Variants in DGKB observed in about 807,000 individuals in gnomAD.
DGKB encodes the protein 90 kDa diacylglycerol kinase.
In DGKB, 67 loss-of-function variants were observed where a neutral mutation model predicts 114.3. That is an observed-to-expected ratio of 0.59 (90% confidence interval 0.48 to 0.72). The LOEUF (loss-of-function observed/expected upper bound fraction) is 0.72, where lower values mean the gene tolerates loss of function less well. Among genes scored for constraint, DGKB ranks in the 30% least tolerant of loss-of-function variants. DGKB has a pLI of 0.00. For missense variants in DGKB, 907 were observed against 975.2 expected (o/e 0.93, Z 0.93); for synonymous variants, 398 against 323.1 (o/e 1.23, Z -2.49).
At chr7:14,828,319 G>A (rs190546316) in intron 2 of DGKB, among the ~76,000 whole-genome samples, 6 of 151,964 alleles carry the variant, frequency 3.9e-5, no homozygotes, top group Non-Finnish European at 5.9e-5. Context: ...TTAATTCAAA[G>A]AGAAGCAAGA....
intron 20 of DGKB, among the ~76,000 whole-genome samples, chr7:14,524,510 C>G (rs2128574566): frequency 6.6e-6 from 1 of 152,276 alleles, no homozygotes; most frequent in South Asian, 2.1e-4. Context: ...AATCCCAGGA[C>G]TTTGGGAGGC....
chr7:14,478,310 A>T, intron 20 of DGKB, 85 bp from the exon 21 acceptor site: 2 of 822,210 alleles, frequency 2.4e-6, no homozygotes, highest in Non-Finnish European at 3.6e-6. Context: ...AAAAAATAAC[A>T]TTTCAAAATG....
intron 1 of DGKB, among the ~76,000 whole-genome samples, chr7:14,899,536 A>G (rs1481059282): frequency 6.6e-6 from 1 of 152,038 alleles, no homozygotes; most frequent in African/African-American, 2.4e-5. Context: ...CTTCCACTAT[A>G]TGATTCCCTT....
chr7:14,939,865 G>A (rs1035783934), intron 1 of DGKB, among the ~76,000 whole-genome samples: 2 of 151,726 alleles, frequency 1.3e-5, no homozygotes, highest in Non-Finnish European at 2.9e-5. Context: ...CACCCGCCTC[G>A]GCCTCCCAAA....
intron 1 of DGKB, among the ~76,000 whole-genome samples, chr7:14,967,602 C>T (rs1311699175): frequency 7.0e-6 from 1 of 142,246 alleles, no homozygotes; most frequent in African/African-American, 2.7e-5. Context: ...ATTACAGGTG[C>T]GAGCCACCGC....
intron 25 of DGKB, among the ~76,000 whole-genome samples, chr7:14,161,842 T>G (rs967265755): frequency 4.6e-5 from 7 of 152,134 alleles, no homozygotes; most frequent in African/African-American, 1.7e-4. Context: ...TCTTTGAGTT[T>G]TTTAAGTCTC....
At chr7:14,629,416 T>C (rs572797398) in intron 14 of DGKB, among the ~76,000 whole-genome samples, 3 of 152,104 alleles carry the variant, frequency 2.0e-5, no homozygotes, top group Admixed American at 2.0e-4. Flanking sequence ...TAAAAAGCCA[T>C]TTTTGGTGGG....
At chr7:14,920,503 C>T (rs985477467) in intron 1 of DGKB, among the ~76,000 whole-genome samples, 1 of 152,130 alleles carries the variant, frequency 6.6e-6, no homozygotes, top group African/African-American at 2.4e-5. Context: ...ATACGCAATG[C>T]TGGTGAGGAA....
At chr7:14,848,549 G>A (rs769292084) in intron 1 of DGKB, among the ~76,000 whole-genome samples, 1 of 152,060 alleles carries the variant, frequency 6.6e-6, no homozygotes, top group Non-Finnish European at 1.5e-5. Context: ...TCAAGAATTG[G>A]GAATGGCTGT....
chr7:14,937,404 C>T (rs1008328201), intron 1 of DGKB, among the ~76,000 whole-genome samples: 5 of 152,004 alleles, frequency 3.3e-5, no homozygotes, highest in Non-Finnish European at 7.4e-5. Flanking sequence ...GGCAAATCAG[C>T]TCCAACCACT....
At chr7:14,496,293 T>G (rs2128943896) in intron 20 of DGKB, among the ~76,000 whole-genome samples, 1 of 151,784 alleles carries the variant, frequency 6.6e-6, no homozygotes, top group South Asian at 2.1e-4. Context: ...TGTTCTTGGG[T>G]TTTTATGAAG....
At chr7:14,178,410 CAAA>C (rs56812836) in intron 23 of DGKB, among the ~76,000 whole-genome samples, 5,123 of 121,812 alleles carry the variant, frequency 0.042, 101 homozygotes, top group Middle Eastern at 0.066. Flanking sequence ...CAAATAATAC[CAAA>C]AAAAAAAAAA....
At chr7:14,574,408 C>T (rs747427397) in intron 19 of DGKB, 36 bp from the exon 20 acceptor site, 4 of 1,560,002 alleles carry the variant, frequency 2.6e-6, no homozygotes, top group South Asian at 2.3e-5. Context: ...GAAAAGAACT[C>T]TAACCAAATA....
chr7:14,485,031 G>T (rs1331522390), intron 20 of DGKB, among the ~76,000 whole-genome samples: 1 of 150,072 alleles, frequency 6.7e-6, no homozygotes, highest in African/African-American at 2.5e-5. Flanking sequence ...TAAATATATA[G>T]GTAAAAAGTC....
chr7:14,265,963 C>T (rs181357400), intron 23 of DGKB, among the ~76,000 whole-genome samples: 85 of 152,168 alleles, frequency 5.6e-4, no homozygotes, highest in South Asian at 1.5e-3. Flanking sequence ...AGAACAGTGG[C>T]GAAAGAGGGT....
chr7:14,619,600 G>A (rs964681168), intron 15 of DGKB, among the ~76,000 whole-genome samples: 4 of 151,614 alleles, frequency 2.6e-5, no homozygotes, highest in Non-Finnish European at 5.9e-5. Context: ...AGAACAAGAT[G>A]TTCAGAAGTT....
chr7:14,375,250 C>A (rs1261911079), intron 21 of DGKB, among the ~76,000 whole-genome samples: 5 of 152,222 alleles, frequency 3.3e-5, no homozygotes, highest in Admixed American at 6.5e-5. Flanking sequence ...AGCTTCCAGG[C>A]AGTGTAACAG....
chr7:14,365,404 T>C (rs150381306), intron 21 of DGKB, among the ~76,000 whole-genome samples: 180 of 152,114 alleles, frequency 1.2e-3, no homozygotes, highest in African/African-American at 4.0e-3. Context: ...GTTGGAGTGA[T>C]ATATGTAAAA....
intron 13 of DGKB, among the ~76,000 whole-genome samples, chr7:14,660,635 G>T (rs566358318): frequency 1.1e-4 from 17 of 151,760 alleles, no homozygotes; most frequent in African/African-American, 3.9e-4. Flanking sequence ...CTTGCTAGCG[G>T]TTTATCAATT....
Sources: allele counts gnomAD v4.1 joint callset (sites outside exome capture counted in the v4.1 genomes callset), GRCh38; gene constraint gnomAD v4.1.1; transcripts MANE v1.5; gene names NCBI Gene and HGNC (gene_info 2026-07-23, HGNC 2026-07-21).